The following PSORS1C1 variants were observed in gnomAD, a reference collection of about 807,000 sequenced individuals.
PSORS1C1 encodes the protein psoriasis susceptibility 1 candidate 1.
In PSORS1C1, 7 loss-of-function variants were observed where a neutral mutation model predicts 9.4. That is an observed-to-expected ratio of 0.75 (90% CI 0.42 to 1.40). The LOEUF (loss-of-function observed/expected upper bound fraction) is 1.40, where lower values mean the gene tolerates loss of function less well. Among genes scored for constraint, PSORS1C1 ranks in the 40% most tolerant of loss-of-function variants. The pLI is 0.01. For missense variants in PSORS1C1, 146 were observed against 178.1 expected, an observed-to-expected ratio of 0.82 and a Z score of 1.02; for synonymous variants, 63 against 69.4, an observed-to-expected ratio of 0.91 and a Z score of 0.46.
chr6:31,138,680 G>GA lies in PSORS1C1; in HGVS notation c.69dup (p.Pro24ThrfsTer5). On this transcript the variant is annotated frameshift_variant, in exon 5 of 6. Coordinates refer to ENST00000259881, the MANE Select transcript of PSORS1C1 (RefSeq NM_014068.3). LOFTEE classifies it high-confidence loss of function. ...GGCACACAGACCCCAGCTTTACAAG[G>GA]ACCCCAGCTCCTTAACACAGATCCC... 6.2e-7 allele frequency: 1 copy of GA among 1,613,248 alleles called. No individual in the cohort carries two copies. The highest frequency in any genetic ancestry group is 8.5e-7 in the Non-Finnish European group (1 of 1,179,960).
At chr6:31,122,814 A>T (rs1345180188) in intron 1 of PSORS1C1, among the ~76,000 whole-genome samples, 2 of 152,020 alleles carry the variant, frequency 1.3e-5, no homozygotes, top group African/African-American at 4.8e-5. Context: ...TCCGAACATC[A>T]TTTCCTCCTG....
chr6:31,120,525 G>A lies in PSORS1C1; in HGVS notation c.-228-5151G>A, dbSNP rs1008183544. On this transcript the variant is annotated intron_variant, in intron 1 of 5. Transcript: ENST00000259881. ...AGGAGTCACTGTGGGGAGAGGAGGA[G>A]AGGTGGAGGGGGTGGGTGCCCCAGG... The A allele has an allele frequency of 1.2e-5, 12 of 1,019,104 alleles. 1 individual carries two copies. Among genetic ancestry groups the A allele is most frequent in the African/African-American group, 1.1e-4 (7 of 62,198 alleles). 63.1% of individuals were successfully genotyped at this position (1,019,104 alleles called of 1,614,324 possible).
In PSORS1C1 at chr6:31,138,311, A is replaced by G. The variant is rs1240855864; in HGVS notation, c.14-119A>G. On this transcript the variant is annotated intron_variant, in intron 3 of 5. Coordinates refer to ENST00000259881, the MANE Select transcript of PSORS1C1 (RefSeq NM_014068.3). ...GGCCCTCGCTGCCTGAGATGCCTGT[A>G]AAGGAGGAAGGAGAAAGGTAAGAGG... 4 of 1,602,970 alleles carry G rather than the reference A, an allele frequency of 2.5e-6. No individual in the cohort carries two copies. In the African/African-American group the frequency reaches 5.4e-5, roughly 22 times the overall value.
At chr6:31,133,277 T>C (rs866766379) in intron 3 of PSORS1C1, among the ~76,000 whole-genome samples, 5 of 151,654 alleles carry the variant, frequency 3.3e-5, no homozygotes, top group South Asian at 4.2e-4. Flanking sequence ...GTGAAGGGCG[T>C]TGGGGGTCGG....
chr6:31,117,560 C>G (rs1330071478), intron 1 of PSORS1C1: 2 of 1,542,874 alleles, frequency 1.3e-6, no homozygotes, highest in African/African-American at 1.4e-5. Flanking sequence ...TAGTAAGGGC[C>G]AAGGAGGCTT....
rs1300817968 is a variant in PSORS1C1 at position 31,140,062 on chromosome 6, AC to A, written c.*134del. 3.6e-6 allele frequency: 3 copies of A among 827,342 alleles called. No homozygotes were observed. The highest frequency in any genetic ancestry group is 3.4e-5 in the African/African-American group (2 of 58,774). 51.3% of individuals were successfully genotyped at this position (827,342 alleles called of 1,614,324 possible). A position where few individuals can be genotyped will look rare whatever the true frequency, so the allele number is the denominator to read the frequency against. ...CAGGTTGTTCCCTGCCTGGTCCGCT[AC>A]CCCACAGTAAGGAACACCTTATTAT... On this transcript the variant is annotated 3_prime_UTR_variant, in exon 6 of 6. Coordinates refer to ENST00000259881, the MANE Select transcript of PSORS1C1 (RefSeq NM_014068.3). This position sits in a 1 kb window ranked among gnomAD's most constrained non-coding sequence, Gnocchi z 4.6.
intron 1 of PSORS1C1, among the ~76,000 whole-genome samples, chr6:31,121,931 A>G (rs4410768): frequency 0.015 from 2,330 of 152,330 alleles, 92 homozygotes; most frequent in South Asian, 0.15. Flanking sequence ...GCTGCCATCT[A>G]GTCTTGCTCT....
At chr6:31,119,015 T>C (rs1169471752) in intron 1 of PSORS1C1, among the ~76,000 whole-genome samples, 1 of 151,838 alleles carries the variant, frequency 6.6e-6, no homozygotes, top group Non-Finnish European at 1.5e-5. Context: ...GCTAATTTTT[T>C]GTATTTTTAG....
chr6:31,139,995 C>A lies in PSORS1C1; in HGVS notation c.*63C>A. On this transcript the variant is annotated 3_prime_UTR_variant, in exon 6 of 6. Coordinates refer to ENST00000259881, the MANE Select transcript of PSORS1C1 (RefSeq NM_014068.3). The surrounding 1 kb of genome is among the most constrained non-coding windows in gnomAD (Gnocchi z 5.2). Reference sequence around the variant, plus strand: ...ACCTTTCTGCCTGGAAGTCTGTTAGCCTTTCAGAAGTAACATGTCCAAAAT... The same window carrying A: ...ACCTTTCTGCCTGGAAGTCTGTTAGACTTTCAGAAGTAACATGTCCAAAAT... 1 of 1,476,022 alleles carries A rather than the reference C, an allele frequency of 6.8e-7. No homozygotes were observed. The highest frequency in any genetic ancestry group is 9.3e-7 in the Non-Finnish European group (1 of 1,070,170). The allele number at this position is 1,476,022 out of a possible 1,614,324, so 91.4% of individuals were successfully genotyped here. A position where few individuals can be genotyped will look rare whatever the true frequency, so the allele number is the denominator to read the frequency against.
At chr6:31,127,500 G>A (rs896194819) in intron 2 of PSORS1C1, among the ~76,000 whole-genome samples, 2 of 151,850 alleles carry the variant, frequency 1.3e-5, no homozygotes, top group Non-Finnish European at 2.9e-5. Context: ...CATTCAGCTC[G>A]GTGCCGAGGT....
At chr6:31,127,839 G>A (rs1244596605) in intron 2 of PSORS1C1, among the ~76,000 whole-genome samples, 3 of 135,870 alleles carry the variant, frequency 2.2e-5, no homozygotes, top group Non-Finnish European at 3.2e-5. Context: ...ACACACACAC[G>A]TTTGGGACCA....
At chr6:31,120,278 C>T (rs1200678810) in intron 1 of PSORS1C1, 2 of 1,357,446 alleles carry the variant, frequency 1.5e-6, no homozygotes, top group Non-Finnish European at 2.1e-6. Flanking sequence ...TCGCTGGGTC[C>T]TCTCCCGGAG....
Position 31,115,392 on chromosome 6 carries a change from G to A in PSORS1C1, c.-229+501G>A, listed in dbSNP as rs1042146. 0.57 allele frequency: 96,518 copies of A among 169,076 alleles called. 28,397 individuals carry two copies. The highest frequency in any genetic ancestry group is 0.71 in the East Asian group (4,192 of 5,936). 10.5% of individuals were successfully genotyped at this position (169,076 alleles called of 1,614,324 possible). A position where few individuals can be genotyped will look rare whatever the true frequency, so the allele number is the denominator to read the frequency against. On this transcript the variant is annotated intron_variant, in intron 1 of 5. Transcript: ENST00000259881. The surrounding 1 kb of genome is among the most constrained non-coding windows in gnomAD (Gnocchi z 4.2). ...GGGAATCATCTGAGCACTGAGGGAAGTGGCCACAGGAAGGGGCTGAGATAA... is the reference window on the plus strand; with the variant it reads ...GGGAATCATCTGAGCACTGAGGGAAATGGCCACAGGAAGGGGCTGAGATAA...
chr6:31,122,686 G>C (rs945021871), intron 1 of PSORS1C1, among the ~76,000 whole-genome samples: 3 of 152,190 alleles, frequency 2.0e-5, no homozygotes, highest in African/African-American at 7.2e-5. Flanking sequence ...GGCTGAGGCA[G>C]GAGAATCACT....
At chr6:31,135,041 C>T (rs1436486646) in intron 3 of PSORS1C1, among the ~76,000 whole-genome samples, 1 of 152,072 alleles carries the variant, frequency 6.6e-6, no homozygotes, top group Non-Finnish European at 1.5e-5. Context: ...GTCTCAAACT[C>T]CTGGCCACAA....
At chr6:31,114,924 T>C (rs1772022121) in intron 1 of PSORS1C1, 33 bp downstream of exon 1, 1 of 443,160 alleles carries the variant, frequency 2.3e-6, no homozygotes, top group Non-Finnish European at 4.5e-6. Flanking sequence ...GAAAAGGAGT[T>C]TGGGTGGGGA....
At chr6:31,116,993 C>T in intron 1 of PSORS1C1, 2 of 1,614,196 alleles carry the variant, frequency 1.2e-6, no homozygotes, top group Non-Finnish European at 1.7e-6. Flanking sequence ...ACGCTTTGGC[C>T]ACTGCTGGAT....
chr6:31,120,495 T>G, intron 1 of PSORS1C1: 1 of 1,248,844 alleles, frequency 8.0e-7, no homozygotes, highest in Non-Finnish European at 1.1e-6. Flanking sequence ...GGACATTCCC[T>G]GGGCAGGAGT....
At chr6:31,114,915 A>C (rs1772020896) in intron 1 of PSORS1C1, 24 bp downstream of exon 1, 1 of 455,726 alleles carries the variant, frequency 2.2e-6, no homozygotes, top group Non-Finnish European at 4.4e-6. Flanking sequence ...ATGGTGGAAG[A>C]AAAGGAGTTT....
Sources: allele counts gnomAD v4.1 joint callset (sites outside exome capture counted in the v4.1 genomes callset), GRCh38; gene constraint gnomAD v4.1.1; non-coding constraint Gnocchi (gnomAD v3.1); transcripts MANE v1.5; gene names NCBI Gene and HGNC (gene_info 2026-07-23, HGNC 2026-07-21).